Variants in CHST3 observed in about 807,000 individuals in gnomAD.
CHST3 encodes the protein carbohydrate sulfotransferase 3, also known as C6ST-1.
A neutral mutation model predicts 35.4 loss-of-function variants in CHST3; 20 were observed. That is an observed-to-expected ratio of 0.57 (90% CI 0.40 to 0.82). The LOEUF is 0.82. CHST3 is among the 40% of genes least tolerant of loss of function. The pLI, the probability that CHST3 is intolerant of heterozygous loss-of-function variation, is 0.00. For synonymous variants in CHST3, 334 were observed against 295.9 expected, an observed-to-expected ratio of 1.13 and a Z score of -1.32; for missense variants, 693 against 670.1, an observed-to-expected ratio of 1.03 and a Z score of -0.38.
Position 72,007,700 on chromosome 10 carries a change from C to A in CHST3, c.669C>A (p.Gly223=), listed in dbSNP as rs748124800. The part of the protein sequence containing the change: ...DHLTQFMFRR[G]SSRSLCEDPV... ...TGACTCAGTTCATGTTCCGCCGGGG[C>A]TCCAGCCGCTCCCTGTGCGAGGACC... The change falls in exon 3 of 3, where the codon GGC becomes GGA. Residue 223 remains glycine, a synonymous_variant. Transcript: ENST00000373115. The A allele has an allele frequency of 5.6e-6, 9 of 1,606,552 alleles. No homozygotes were observed. In the Admixed American group the frequency reaches 1.0e-4, roughly 18 times the overall value.
In CHST3 at chr10:71,986,946, G is replaced by A. The variant is rs189622677; in HGVS notation, c.-107-18790G>A. ...TGCTCACAACAACCCTGTGGGGCCA[G>A]CCTAAGCTCAGAGAAGTTAAATTCC... On this transcript the variant is annotated intron_variant, in intron 1 of 2. Coordinates refer to ENST00000373115, the MANE Select transcript of CHST3 (RefSeq NM_004273.5). 3.1e-4 allele frequency among the ~76,000 whole-genome samples: 47 copies of A among 152,342 alleles called. No individual in the cohort carries two copies. The East Asian group carries it at 8.5e-3, about 28-fold the overall frequency.
At chr10:71,999,177 T>C (rs1006269490) in intron 1 of CHST3, among the ~76,000 whole-genome samples, 3 of 152,158 alleles carry the variant, frequency 2.0e-5, no homozygotes, top group African/African-American at 7.2e-5. Flanking sequence ...GTGGGCTAAA[T>C]GATAAGAACA....
intron 1 of CHST3, among the ~76,000 whole-genome samples, chr10:71,977,646 TGCCCAG>T (rs1839759619): frequency 6.9e-6 from 1 of 144,228 alleles, no homozygotes; most frequent in African/African-American, 2.5e-5. Context: ...CTTTCTATGT[TGCCCAG>T]GCTGGAGCTT....
intron 1 of CHST3, among the ~76,000 whole-genome samples, chr10:71,988,131 G>A (rs983358200): frequency 1.3e-5 from 2 of 152,130 alleles, no homozygotes; most frequent in African/African-American, 4.8e-5. Flanking sequence ...ACTGACAAAA[G>A]CTCCAAACCC....
At chr10:71,990,071 G>A (rs899253705) in intron 1 of CHST3, among the ~76,000 whole-genome samples, 1 of 152,174 alleles carries the variant, frequency 6.6e-6, no homozygotes, top group Admixed American at 6.5e-5. Context: ...TGTTGTATAT[G>A]TCCTTGTTGT....
rs573740973 is a variant in CHST3 at position 71,964,492 on chromosome 10, G to A, written c.-310G>A. 16 of 152,298 alleles carry A rather than the reference G, an allele frequency of 1.1e-4. No homozygotes were observed. Among genetic ancestry groups the A allele is most frequent in the Admixed American group, 9.8e-4 (15 of 15,300 alleles). The allele number at this position is 152,298 out of a possible 1,614,324, so 9.4% of individuals were successfully genotyped here. On this transcript the variant is annotated 5_prime_UTR_variant, in exon 1 of 3. Transcript: ENST00000373115. ...CCCGCCTGGCGCCGCTTCCCTTCCA[G>A]CGTGCCGACCGGCCCCGCAGCGCCT...
intron 1 of CHST3, among the ~76,000 whole-genome samples, chr10:72,004,790 C>T (rs1187186281): frequency 1.3e-5 from 2 of 152,180 alleles, no homozygotes; most frequent in African/African-American, 4.8e-5. Context: ...CACCTTCCCA[C>T]CCCAGGAGAC....
At chr10:71,971,752 G>C (rs1020561231) in intron 1 of CHST3, among the ~76,000 whole-genome samples, 1 of 152,246 alleles carries the variant, frequency 6.6e-6, no homozygotes, top group African/African-American at 2.4e-5. Context: ...AGGGCCGCAG[G>C]TGCCTGGCTT....
At chr10:71,969,776 C>A (rs562340949) in intron 1 of CHST3, among the ~76,000 whole-genome samples, 2 of 152,264 alleles carry the variant, frequency 1.3e-5, no homozygotes, top group East Asian at 3.9e-4. Context: ...ATGGGAAGTT[C>A]TTGGAAATGT....
chr10:71,989,409 C>T (rs994828159), intron 1 of CHST3, among the ~76,000 whole-genome samples: 55 of 151,916 alleles, frequency 3.6e-4, no homozygotes, highest in Non-Finnish European at 7.5e-4. Flanking sequence ...ATCACACCAC[C>T]GTATTCCAGC....
rs749724374 is a variant in CHST3, at chr10:72,008,291, C to G, written c.1260C>G (p.Asn420Lys). The change falls in exon 3 of 3, where the codon AAC becomes AAG. Residue 420 changes from asparagine (N) to lysine (K), a missense_variant. Physicochemically the swap from Asn to Lys is moderately conservative, Grantham distance 94. Coordinates refer to ENST00000373115, the MANE Select transcript of CHST3 (RefSeq NM_004273.5). ...DGSGIYSTQK[N>K]SSEQFEKWRF... is the part of the protein sequence containing the mutation. ...GCGGCATCTACTCCACGCAGAAGAA[C>G]TCCTCGGAGCAGTTCGAGAAGTGGC... 3.2e-6 allele frequency: 5 copies of G among 1,586,070 alleles called. No homozygotes were observed. In the African/African-American group the frequency reaches 4.0e-5, roughly 13 times the overall value.
At chr10:72,005,425 G>A (rs1840028936) in intron 1 of CHST3, among the ~76,000 whole-genome samples, 1 of 152,098 alleles carries the variant, frequency 6.6e-6, no homozygotes, top group Non-Finnish European at 1.5e-5. Context: ...TTTCATTTAG[G>A]TGTTTGCACT....
chr10:72,008,029 T>G lies in CHST3; in HGVS notation c.998T>G (p.Leu333Arg), dbSNP rs1274448964. Reference sequence around the variant, plus strand: ...CTGGACGACGAGGGCCAGGACGGCCTGAGGGAAGAGGAGGTGCAGCGGCTG... The same window carrying G: ...CTGGACGACGAGGGCCAGGACGGCCGGAGGGAAGAGGAGGTGCAGCGGCTG... ...KWLDDEGQDG[L>R]REEEVQRLRG... The change falls in exon 3 of 3, where the codon CTG becomes CGG. Residue 333 changes from leucine to arginine, a missense_variant. By Grantham distance (102) the Leu-to-Arg change is moderately radical. Transcript: ENST00000373115. The G allele has an allele frequency of 1.9e-6, 3 of 1,549,438 alleles. No homozygotes were observed. The highest frequency in any genetic ancestry group is 2.4e-5 in the South Asian group (2 of 84,042).
intron 1 of CHST3, among the ~76,000 whole-genome samples, chr10:71,995,421 CAA>C (rs35954993): frequency 0.39 from 46,476 of 120,062 alleles, 8,670 homozygotes; most frequent in Non-Finnish European, 0.5. Flanking sequence ...GAGTCTGTCT[CAA>C]AAAAAAAAAA....
chr10:71,975,075 T>C (rs1016102579), intron 1 of CHST3, among the ~76,000 whole-genome samples: 3 of 152,144 alleles, frequency 2.0e-5, no homozygotes, highest in African/African-American at 7.2e-5. Flanking sequence ...GGGATCACTT[T>C]TAAAAAGTAA....
At position 72,006,071 on chromosome 10, in the gene CHST3, G is replaced by A. The variant is rs1178577131; in HGVS notation, c.140+89G>A. ...TAACTGCAGGGCTCTCTGTGGACCT[G>A]CAAATGCATTCCTTCAACGAGCCAT... On this transcript the variant is annotated intron_variant, in intron 2 of 2. Coordinates refer to ENST00000373115, the MANE Select transcript of CHST3 (RefSeq NM_004273.5). 5.9e-6 allele frequency: 9 copies of A among 1,522,702 alleles called. No individual in the cohort carries two copies. The African/African-American group carries it at 6.8e-5, about 12-fold the overall frequency. 94.3% of individuals were successfully genotyped at this position (1,522,702 alleles called of 1,614,324 possible).
At position 71,975,614 on chromosome 10, in the gene CHST3, A is replaced by T. The variant is rs550094131; in HGVS notation, c.-108+10920A>T. 7.9e-5 allele frequency among the ~76,000 whole-genome samples: 12 copies of T among 151,792 alleles called. No homozygotes were observed. The East Asian group carries it at 2.3e-3, about 30-fold the overall frequency. ...GAGAAGTTTCTTTAAATGTCTGTTG[A>T]CTCTCTTCTCTGGAAGGAGCACGGG... On this transcript the variant is annotated intron_variant, in intron 1 of 2. Coordinates refer to ENST00000373115, the MANE Select transcript of CHST3 (RefSeq NM_004273.5).
intron 1 of CHST3, among the ~76,000 whole-genome samples, chr10:71,987,629 T>C (rs1839860728): frequency 1.3e-5 from 2 of 148,180 alleles, no homozygotes; most frequent in African/African-American, 2.5e-5. Context: ...GGCAGGAGAA[T>C]GGCTTGAACC....
intron 1 of CHST3, among the ~76,000 whole-genome samples, chr10:71,994,867 T>C (rs1589504208): frequency 6.6e-6 from 1 of 152,338 alleles, no homozygotes; most frequent in East Asian, 1.9e-4. Context: ...TTTTATGTTA[T>C]GGAGATGTCT....
Sources: gnomAD v4.1 joint callset for allele counts (sites outside exome capture counted in the v4.1 genomes callset) on GRCh38, gnomAD v4.1.1 for gene constraint, MANE v1.5 for transcripts, NCBI Gene and HGNC (gene_info 2026-07-23, HGNC 2026-07-21) for gene names.